ELFN1: variants seen among roughly 807,000 people sequenced by gnomAD.
ELFN1 encodes the protein protein ELFN1.
ELFN1 carries 6 observed loss-of-function variants against 7.6 expected under a neutral mutation model. The observed-to-expected ratio is 0.79, with a 90% CI of 0.43 to 1.56. The LOEUF (loss-of-function observed/expected upper bound fraction) is 1.56, where lower values mean the gene tolerates loss of function less well. Ranked by LOEUF, ELFN1 falls within the 40% of genes most tolerant of loss-of-function variation. The probability of loss-of-function intolerance (pLI) is 0.01; values close to 1 mark genes in which losing one functional copy is unlikely to be tolerated. For missense variants in ELFN1, 1,169 were observed against 1,232.2 expected (o/e 0.95, Z 0.77); for synonymous variants, 657 against 588.1 (o/e 1.12, Z -1.70).
chr7:1,747,181 CTG>C lies in ELFN1; in HGVS notation c.*101_*102del. 7.5e-7 allele frequency: 1 copy of C among 1,325,550 alleles called. No homozygotes were observed. Among genetic ancestry groups the C allele is most frequent in the South Asian group, 1.7e-5 (1 of 57,540 alleles). 82.1% of individuals were successfully genotyped at this position (1,325,550 alleles called of 1,614,324 possible). A position where few individuals can be genotyped will look rare whatever the true frequency, so the allele number is the denominator to read the frequency against. On this transcript the variant is annotated 3_prime_UTR_variant, in exon 4 of 4. Coordinates refer to ENST00000424383, the MANE Select transcript of ELFN1 (RefSeq NM_001128636.4). Reference sequence around the variant, plus strand: ...CAACACACGCACGCCACCACAGCAACTGTGACAGCGGGGGGCCCTGCAGAGGC... The same window carrying C: ...CAACACACGCACGCCACCACAGCAACTGACAGCGGGGGGCCCTGCAGAGGC...
intron 1 of ELFN1, among the ~76,000 whole-genome samples, chr7:1,683,002 C>A (rs1041441870): frequency 3.3e-5 from 5 of 152,052 alleles, no homozygotes; most frequent in African/African-American, 1.2e-4. Context: ...CCTTGCATTC[C>A]TGGGGAAAAT....
chr7:1,705,444 G>A lies in ELFN1; in HGVS notation c.-455-3647G>A, dbSNP rs922693417. Among the ~76,000 whole-genome samples, 1 of 152,238 alleles carries A rather than the reference G, an allele frequency of 6.6e-6. No homozygotes were observed. The highest frequency in any genetic ancestry group is 1.5e-5 in the Non-Finnish European group (1 of 68,048). On this transcript the variant is annotated intron_variant, in intron 2 of 3. Coordinates refer to ENST00000424383, the MANE Select transcript of ELFN1 (RefSeq NM_001128636.4). This position sits in a 1 kb window ranked among gnomAD's most constrained non-coding sequence, Gnocchi z 4.3. ...TTGTTCTTCATCCTGGAAGGAGGAG[G>A]AGGAGCTCCCCCCAACCGCCAGGGT... is the stretch of plus-strand genomic sequence containing the variant.
In ELFN1 at chr7:1,705,004, C is replaced by T. The variant is rs958480378; in HGVS notation, c.-455-4087C>T. Among the ~76,000 whole-genome samples, 19 of 152,080 alleles carry T rather than the reference C, an allele frequency of 1.2e-4. No homozygotes were observed. The highest frequency in any genetic ancestry group is 1.0e-3 in the Admixed American group (16 of 15,274). ...AGAGGAGCCAGCCTGGGTGGGTCTG[C>T]GAGAGGCTCCCAGGCAGAGGGCACA... is the stretch of plus-strand genomic sequence containing the variant. On this transcript the variant is annotated intron_variant, in intron 2 of 3. Coordinates refer to ENST00000424383, the MANE Select transcript of ELFN1 (RefSeq NM_001128636.4). This position sits in a 1 kb window ranked among gnomAD's most constrained non-coding sequence, Gnocchi z 4.3.
Position 1,689,157 on chromosome 7 carries a change from G to A in ELFN1, c.-456+1007G>A, listed in dbSNP as rs183880698. Reference sequence around the variant, plus strand: ...CAAGATTCCCTGGTGATTCATTCAAGTTGTGATGCTTATAGTTTGTTCTTT... The same window carrying A: ...CAAGATTCCCTGGTGATTCATTCAAATTGTGATGCTTATAGTTTGTTCTTT... On this transcript the variant is annotated intron_variant, in intron 2 of 3. Transcript: ENST00000424383. Among the ~76,000 whole-genome samples the A allele has an allele frequency of 1.7e-3, 263 of 152,350 alleles. 1 individual carries two copies. The highest frequency in any genetic ancestry group is 6.0e-3 in the African/African-American group (251 of 41,574).
intron 1 of ELFN1, among the ~76,000 whole-genome samples, chr7:1,682,118 G>T (rs1778984902): frequency 1.3e-5 from 2 of 152,094 alleles, no homozygotes; most frequent in African/African-American, 2.4e-5. Context: ...TTATTATAAA[G>T]TCCAATTTAT....
intron 3 of ELFN1, among the ~76,000 whole-genome samples, chr7:1,721,374 G>A (rs1290864974): frequency 6.6e-6 from 1 of 152,230 alleles, no homozygotes; most frequent in Non-Finnish European, 1.5e-5. Context: ...CTCTCAGGGG[G>A]CAGAGGCCAA....
intron 2 of ELFN1, among the ~76,000 whole-genome samples, chr7:1,699,471 C>G (rs1456990514): frequency 6.6e-6 from 1 of 152,040 alleles, no homozygotes; most frequent in African/African-American, 2.4e-5. Context: ...GACCCTGTCT[C>G]TAAAAATTAT....
At position 1,673,999 on chromosome 7, in the gene ELFN1, C is replaced by T. The variant is rs1331471918; in HGVS notation, c.-549+3645C>T. 2.0e-5 allele frequency among the ~76,000 whole-genome samples: 3 copies of T among 152,176 alleles called. No individual in the cohort carries two copies. The highest frequency in any genetic ancestry group is 6.5e-5 in the Admixed American group (1 of 15,282). Reference sequence around the variant, plus strand: ...AGGCAGAGAGGACGACTACTCCGCTCCCTGCTCCAGGCCACGGGGGTACAC... The same window carrying T: ...AGGCAGAGAGGACGACTACTCCGCTTCCTGCTCCAGGCCACGGGGGTACAC... On this transcript the variant is annotated intron_variant, in intron 1 of 3. Coordinates refer to ENST00000424383, the MANE Select transcript of ELFN1 (RefSeq NM_001128636.4). This position sits in a 1 kb window ranked among gnomAD's most constrained non-coding sequence, Gnocchi z 4.7.
In ELFN1 at chr7:1,695,066, C is replaced by T. The variant is rs746903765; in HGVS notation, c.-456+6916C>T. Among the ~76,000 whole-genome samples, 4 of 152,136 alleles carry T rather than the reference C, an allele frequency of 2.6e-5. No homozygotes were observed. Among genetic ancestry groups the T allele is most frequent in the Admixed American group, 1.3e-4 (2 of 15,284 alleles). On this transcript the variant is annotated intron_variant, in intron 2 of 3. Coordinates refer to ENST00000424383, the MANE Select transcript of ELFN1 (RefSeq NM_001128636.4). The surrounding 1 kb of genome is among the most constrained non-coding windows in gnomAD (Gnocchi z 5.1). ...TGCCCATCCCCCTCACTTTGAGTTA[C>T]GCTGCAGACGGCTCCGGATGCACGT... is the stretch of plus-strand genomic sequence containing the variant.
chr7:1,678,217 G>A (rs1016433585), intron 1 of ELFN1, among the ~76,000 whole-genome samples: 3 of 152,130 alleles, frequency 2.0e-5, no homozygotes, highest in Admixed American at 2.0e-4. Flanking sequence ...GCATGCACAG[G>A]GGTGCACAGG....
At chr7:1,681,193 TG>T (rs1236420911) in intron 1 of ELFN1, among the ~76,000 whole-genome samples, 1 of 152,234 alleles carries the variant, frequency 6.6e-6, no homozygotes, top group African/African-American at 2.4e-5. Flanking sequence ...TTTTTATTGC[TG>T]AATAGTATTC....
At chr7:1,690,830 G>A (rs1300287926) in intron 2 of ELFN1, among the ~76,000 whole-genome samples, 18 of 152,084 alleles carry the variant, frequency 1.2e-4, no homozygotes, top group Admixed American at 1.2e-3. Flanking sequence ...AGAGGTGGAT[G>A]GATGGATGAA....
chr7:1,675,094 C>G (rs10252526), intron 1 of ELFN1, among the ~76,000 whole-genome samples: 68,369 of 151,838 alleles, frequency 0.45, 17,573 homozygotes, highest in African/African-American at 0.71. Context: ...ACCCGGCAGC[C>G]CACGGCGTGG....
In ELFN1 at chr7:1,695,341, G is replaced by A. The variant is rs1779279556; in HGVS notation, c.-456+7191G>A. Among the ~76,000 whole-genome samples, 2 of 152,164 alleles carry A rather than the reference G, an allele frequency of 1.3e-5. No homozygotes were observed. Among genetic ancestry groups the A allele is most frequent in the South Asian group, 2.1e-4 (1 of 4,824 alleles). On this transcript the variant is annotated intron_variant, in intron 2 of 3. Transcript: ENST00000424383. This position sits in a 1 kb window ranked among gnomAD's most constrained non-coding sequence, Gnocchi z 5.1. ...GCTGCAGCTCAGGGCTCAGGTGTCC[G>A]CGTCGAGGGCACTCCCTAAAGGGCA...
chr7:1,667,848 C>T (rs1043727107), upstream of ELFN1, among the ~76,000 whole-genome samples: 1 of 151,872 alleles, frequency 6.6e-6, no homozygotes, highest in Non-Finnish European at 1.5e-5. This position sits in a 1 kb window ranked among gnomAD's most constrained non-coding sequence, Gnocchi z 8.2. Flanking sequence ...CTCGCGGCGG[C>T]GGCGCCGGCG....
At chr7:1,687,509 C>G (rs557143593) in intron 1 of ELFN1, among the ~76,000 whole-genome samples, 1 of 152,112 alleles carries the variant, frequency 6.6e-6, no homozygotes, top group African/African-American at 2.4e-5. Flanking sequence ...CTACCCTTCT[C>G]TCCTCCAGGG....
intron 3 of ELFN1, among the ~76,000 whole-genome samples, chr7:1,734,139 G>T (rs150381045): frequency 0.014 from 2,088 of 152,280 alleles, 34 homozygotes; most frequent in African/African-American, 0.033. Flanking sequence ...AGCTGCCAGG[G>T]TTATGAGGGC....
In ELFN1 at chr7:1,745,252, A is replaced by G. The variant is rs1780742361; in HGVS notation, c.656A>G (p.Gln219Arg). The G allele has an allele frequency of 6.5e-7, 1 of 1,539,656 alleles. No individual in the cohort carries two copies. The highest frequency in any genetic ancestry group is 8.7e-7 in the Non-Finnish European group (1 of 1,146,858). Residue 219 changes from glutamine (Q) to arginine (R), a missense_variant, in exon 4 of 4, where the codon CAG becomes CGG. Transcript: ENST00000424383. ...TNATQTYDRM[Q>R]CESPPVYSGY... ...GCCACACAGACGTACGACCGCATGC[A>G]GTGCGAGTCGCCGCCCGTCTACTCC... is the stretch of plus-strand genomic sequence containing the variant.
rs371800707 is a variant in ELFN1 at position 1,716,484 on chromosome 7, G to C, written c.-294+7232G>C. On this transcript the variant is annotated intron_variant, in intron 3 of 3. Coordinates refer to ENST00000424383, the MANE Select transcript of ELFN1 (RefSeq NM_001128636.4). The stretch of plus-strand genomic sequence containing the variant: ...GCCTTCCTTCCTGCCGCTGGACGTG[G>C]GCGTATGTCTGTGTGTGCGTGCGTG... 3.9e-5 allele frequency among the ~76,000 whole-genome samples: 6 copies of C among 152,350 alleles called. No individual in the cohort carries two copies. In the East Asian group the frequency reaches 7.7e-4, roughly 20 times the overall value.
Sources: gnomAD v4.1 joint callset for allele counts (sites outside exome capture counted in the v4.1 genomes callset) on GRCh38, gnomAD v4.1.1 for gene constraint, Gnocchi (gnomAD v3.1) non-coding constraint, MANE v1.5 for transcripts, NCBI Gene and HGNC (gene_info 2026-07-23, HGNC 2026-07-21) for gene names.